The following SUCLA2 variants were observed in gnomAD, a reference collection of about 807,000 sequenced individuals.
The protein encoded by SUCLA2 is succinate--CoA ligase [ADP-forming] subunit beta, mitochondrial.
In SUCLA2, 30 loss-of-function variants were observed where a neutral mutation model predicts 54.8. The ratio of observed to expected loss-of-function variants is 0.55; its 90% CI spans 0.41 to 0.74. SUCLA2 has a LOEUF of 0.74. Ranked by LOEUF, SUCLA2 falls within the 30% of genes least tolerant of loss-of-function variation. The pLI, the probability that SUCLA2 is intolerant of heterozygous loss-of-function variation, is 0.00. For missense variants in SUCLA2, 476 were observed against 562.9 expected (o/e 0.85, Z 1.56); for synonymous variants, 172 against 188.9 (o/e 0.91, Z 0.74).
At chr13:47,949,690 TAAAC>T (rs1395559627) in intron 8 of SUCLA2, 87 bp from the exon 9 acceptor site, 1 of 1,351,514 alleles carries the variant, frequency 7.4e-7, no homozygotes. Flanking sequence ...TGCTTCATGA[TAAAC>T]ATTAACTTGA....
intron 6 of SUCLA2, among the ~76,000 whole-genome samples, chr13:47,963,679 T>C (rs1949891750): frequency 6.6e-6 from 1 of 151,528 alleles, no homozygotes; most frequent in African/African-American, 2.4e-5. Context: ...CAGACATAAA[T>C]ATAGGTGTGT....
At chr13:47,961,221 G>A (rs895018749) in intron 6 of SUCLA2, among the ~76,000 whole-genome samples, 1 of 152,140 alleles carries the variant, frequency 6.6e-6, no homozygotes, top group African/African-American at 2.4e-5. Context: ...AAATGTTTGT[G>A]TAATATTAAG....
At chr13:47,962,711 AG>A (rs140257649) in intron 6 of SUCLA2, among the ~76,000 whole-genome samples, 9,544 of 152,250 alleles carry the variant, frequency 0.063, 351 homozygotes, top group Middle Eastern at 0.095. Flanking sequence ...CTCAGCATGA[AG>A]CAGCCAGAAA....
chr13:47,943,311 A>C lies in SUCLA2; in HGVS notation c.*60T>G. On this transcript the variant is annotated 3_prime_UTR_variant, in exon 11 of 11. Transcript: ENST00000646932. The stretch of plus-strand genomic sequence containing the variant: ...AAGAAAAAGAACAATAACACAGAAC[A>C]CAGTATTCTTAATGATTATAGCACA... 1.4e-6 allele frequency: 2 copies of C among 1,476,994 alleles called. No individual in the cohort carries two copies. Among genetic ancestry groups the C allele is most frequent in the Non-Finnish European group, 1.9e-6 (2 of 1,055,970 alleles). The allele number at this position is 1,476,994 out of a possible 1,614,324, so 91.5% of individuals were successfully genotyped here.
chr13:47,965,504 A>AAC, intron 6 of SUCLA2: 1 of 388,106 alleles, frequency 2.6e-6, no homozygotes, highest in East Asian at 3.6e-5. Flanking sequence ...TAAAAAAAAA[A>AAC]AAACAAACAA....
chr13:47,992,201 A>G (rs1438232888), intron 2 of SUCLA2, among the ~76,000 whole-genome samples: 1 of 152,210 alleles, frequency 6.6e-6, no homozygotes, highest in East Asian at 1.9e-4. Flanking sequence ...TTAAACTGGG[A>G]ACTTAACACA....
chr13:47,956,652 A>G (rs369907978), intron 6 of SUCLA2, among the ~76,000 whole-genome samples: 3 of 152,220 alleles, frequency 2.0e-5, no homozygotes, highest in East Asian at 1.9e-4. Flanking sequence ...ATCTGAATCT[A>G]AAGTAGTAAA....
At chr13:47,993,911 G>C (rs1052597639) in intron 2 of SUCLA2, among the ~76,000 whole-genome samples, 2 of 151,968 alleles carry the variant, frequency 1.3e-5, no homozygotes, top group Non-Finnish European at 2.9e-5. Context: ...GCACATGCCT[G>C]TAATCCCAGC....
chr13:47,994,935 A>G, intron 2 of SUCLA2: 1 of 806,838 alleles, frequency 1.2e-6, no homozygotes, highest in Non-Finnish European at 1.5e-6. Flanking sequence ...TAATCAAAAC[A>G]GATTGGCATC....
At chr13:47,949,387 C>T (rs754725566) in intron 9 of SUCLA2, 96 bp downstream of exon 9, 58 of 1,383,306 alleles carry the variant, frequency 4.2e-5, no homozygotes, top group East Asian at 6.9e-5. Context: ...TTCAAAGACA[C>T]AGCTATTTAA....
chr13:47,972,447 T>A (rs1949974878), intron 5 of SUCLA2, among the ~76,000 whole-genome samples: 1 of 151,832 alleles, frequency 6.6e-6, no homozygotes, highest in African/African-American at 2.4e-5. Context: ...GGCGGGTGGA[T>A]CACCTGAGGT....
intron 4 of SUCLA2, among the ~76,000 whole-genome samples, chr13:47,979,845 CA>C (rs948514497): frequency 2.6e-5 from 4 of 152,076 alleles, no homozygotes; most frequent in Admixed American, 6.6e-5. Context: ...TCTGTGTTTG[CA>C]GATGAGATGT....
In SUCLA2 at chr13:47,988,435, A is replaced by G. The variant is rs116245479; in HGVS notation, c.534+106T>C. The G allele has an allele frequency of 1.2e-3, 1,532 of 1,318,528 alleles. 15 individuals are homozygous for G. In the African/African-American group the frequency reaches 0.019, roughly 17 times the overall value. The allele number at this position is 1,318,528 out of a possible 1,614,324, so 81.7% of individuals were successfully genotyped here. ...TGCTCATGACATACAAACAGATTAT[A>G]ATTTGTACTTTTAAAATCTTTCCCA... is the stretch of plus-strand genomic sequence containing the variant. On this transcript the variant is annotated intron_variant, in intron 4 of 10. Transcript: ENST00000646932.
chr13:47,971,242 T>C (rs1295986764), intron 5 of SUCLA2, among the ~76,000 whole-genome samples: 1 of 151,988 alleles, frequency 6.6e-6, no homozygotes, highest in Non-Finnish European at 1.5e-5. Flanking sequence ...TGAAACCCTG[T>C]CTCTACTAAA....
At chr13:47,963,183 C>T (rs1949886251) in intron 6 of SUCLA2, among the ~76,000 whole-genome samples, 1 of 152,296 alleles carries the variant, frequency 6.6e-6, no homozygotes, top group South Asian at 2.1e-4. Flanking sequence ...GACCAAACCC[C>T]TGGTGTTTTG....
intron 4 of SUCLA2, among the ~76,000 whole-genome samples, chr13:47,986,707 T>C (rs2137740496): frequency 6.6e-6 from 1 of 152,370 alleles, no homozygotes; most frequent in East Asian, 1.9e-4. Context: ...TTAATCCATC[T>C]TGAGTTAACT....
chr13:47,998,815 G>A (rs767627120), intron 1 of SUCLA2, among the ~76,000 whole-genome samples: 20 of 152,168 alleles, frequency 1.3e-4, no homozygotes, highest in Non-Finnish European at 2.2e-4. Flanking sequence ...TGATGCAGAC[G>A]ATGGTTACAC....
chr13:47,998,561 G>A (rs1950206729), intron 1 of SUCLA2, among the ~76,000 whole-genome samples: 1 of 152,206 alleles, frequency 6.6e-6, no homozygotes, highest in Middle Eastern at 3.4e-3. Flanking sequence ...ATACTACAGA[G>A]AAATAAAAAG....
intron 4 of SUCLA2, among the ~76,000 whole-genome samples, chr13:47,978,632 C>T (rs1243975535): frequency 6.6e-6 from 1 of 152,076 alleles, no homozygotes; most frequent in East Asian, 1.9e-4. Context: ...ACGAAAACAC[C>T]AAAAGCAATG....
Sources: gnomAD v4.1 joint callset for allele counts (sites outside exome capture counted in the v4.1 genomes callset) on GRCh38, gnomAD v4.1.1 for gene constraint, MANE v1.5 for transcripts, NCBI Gene and HGNC (gene_info 2026-07-23, HGNC 2026-07-21) for gene names.